The following WDR72 variants were observed in gnomAD, a reference collection of about 807,000 sequenced individuals.
WDR72 encodes WD repeat-containing protein 72.
Under a neutral mutation model 124.2 loss-of-function variants are expected in WDR72, and 120 were observed. The ratio of observed to expected loss-of-function variants is 0.97; its 90% CI spans 0.83 to 1.12. The LOEUF is 1.12. WDR72 is among the 50% of genes most tolerant of loss of function. The pLI, the probability that WDR72 is intolerant of heterozygous loss-of-function variation, is 0.00. For synonymous variants in WDR72, 452 were observed against 441.7 expected, an observed-to-expected ratio of 1.02 and a Z score of -0.29; for missense variants, 1,387 against 1,278.8, an observed-to-expected ratio of 1.08 and a Z score of -1.29.
intron 6 of WDR72, 24 bp downstream of exon 6, chr15:53,714,410 A>G (rs1344201346): frequency 1.9e-6 from 3 of 1,595,742 alleles, no homozygotes; most frequent in Non-Finnish European, 2.6e-6. Context: ...TGTAAGGAAA[A>G]AAGAGTAGGG....
At chr15:53,547,162 C>G (rs189671069) in intron 18 of WDR72, among the ~76,000 whole-genome samples, 2 of 152,358 alleles carry the variant, frequency 1.3e-5, no homozygotes, top group African/African-American at 4.8e-5. Flanking sequence ...TTACCAACAA[C>G]TATTTAACAT....
chr15:53,529,164 A>ATATATATATATATATAT (rs59003623), intron 18 of WDR72, among the ~76,000 whole-genome samples: 1 of 78,166 alleles, frequency 1.3e-5, no homozygotes, highest in South Asian at 3.8e-4. Flanking sequence ...ATATATATAT[A>ATATATATATATATATAT]TTTTTTTTTT....
At chr15:53,667,952 A>ATAC (rs1316804754) in intron 13 of WDR72, among the ~76,000 whole-genome samples, 1 of 152,190 alleles carries the variant, frequency 6.6e-6, no homozygotes, top group Non-Finnish European at 1.5e-5. Flanking sequence ...ATACACAGAT[A>ATAC]ATTAATCTGT....
In WDR72 at chr15:53,704,668, G is replaced by T. The variant is rs533393353; in HGVS notation, c.1348+320C>A. Among the ~76,000 whole-genome samples, 21 of 149,018 alleles carry T rather than the reference G, an allele frequency of 1.4e-4. No homozygotes were observed. In the South Asian group the frequency reaches 1.9e-3, roughly 14 times the overall value. ...AGCCTCCCAAGTAGCTGGGACTACA[G>T]GTGCCCGCCACCATGCCCAGCTTTT... On this transcript the variant is annotated intron_variant, in intron 11 of 19. Transcript: ENST00000360509.
intron 14 of WDR72, among the ~76,000 whole-genome samples, chr15:53,651,734 C>T (rs1008170384): frequency 2.0e-5 from 3 of 152,166 alleles, no homozygotes; most frequent in South Asian, 2.1e-4. Flanking sequence ...CTCACTGCAA[C>T]GCCTGCCTCC....
intron 18 of WDR72, among the ~76,000 whole-genome samples, chr15:53,536,478 G>A (rs572513682): frequency 1.5e-4 from 23 of 152,082 alleles, no homozygotes; most frequent in African/African-American, 5.3e-4. Context: ...ATGATCATGG[G>A]GCTCATCGGT....
rs145687433 is a variant in WDR72 at position 53,750,075 on chromosome 15, A to C, written c.-13+9558T>G. The stretch of plus-strand genomic sequence containing the variant: ...ATAATTAATGAAGGTGGCTATACTA[A>C]ACAACAGATTTTCAATGTAGATGAA... On this transcript the variant is annotated intron_variant, in intron 1 of 19. Coordinates refer to ENST00000360509, the MANE Select transcript of WDR72 (RefSeq NM_182758.4). Among the ~76,000 whole-genome samples, 734 of 152,290 alleles carry C rather than the reference A, an allele frequency of 4.8e-3. 9 individuals are homozygous for C. Among genetic ancestry groups the C allele is most frequent in the African/African-American group, 0.017 (704 of 41,562 alleles).
intron 13 of WDR72, among the ~76,000 whole-genome samples, chr15:53,688,802 T>A (rs2016736913): frequency 6.6e-6 from 1 of 151,936 alleles, no homozygotes; most frequent in Non-Finnish European, 1.5e-5. Flanking sequence ...TCACACTACC[T>A]GACTTCAAAC....
chr15:53,632,320 T>C (rs1203983699), intron 14 of WDR72, among the ~76,000 whole-genome samples: 1 of 152,050 alleles, frequency 6.6e-6, no homozygotes, highest in Non-Finnish European at 1.5e-5. Flanking sequence ...AGTTTCCATG[T>C]GGTAATAAGC....
intron 18 of WDR72, among the ~76,000 whole-genome samples, chr15:53,546,773 T>A (rs902898603): frequency 6.6e-6 from 1 of 151,468 alleles, no homozygotes; most frequent in Non-Finnish European, 1.5e-5. Flanking sequence ...AAGGGAAAAT[T>A]CACAAATACA....
intron 7 of WDR72, among the ~76,000 whole-genome samples, chr15:53,712,264 G>A (rs1371430641): frequency 6.6e-6 from 1 of 152,072 alleles, no homozygotes; most frequent in African/African-American, 2.4e-5. Context: ...TATTAAATAT[G>A]TAGTAGTATA....
chr15:53,655,460 A>T (rs2015388897), intron 14 of WDR72, among the ~76,000 whole-genome samples: 1 of 151,934 alleles, frequency 6.6e-6, no homozygotes, highest in Admixed American at 6.6e-5. Context: ...TTGAGCCTCA[A>T]GATAATCACA....
intron 14 of WDR72, among the ~76,000 whole-genome samples, chr15:53,629,529 A>G (rs963717985): frequency 1.3e-5 from 2 of 152,074 alleles, no homozygotes; most frequent in Non-Finnish European, 2.9e-5. Context: ...GTTTTTAGAA[A>G]TATTAGGAAA....
At chr15:53,715,406 C>T in intron 4 of WDR72, 39 bp from the exon 5 acceptor site, 1 of 1,609,204 alleles carries the variant, frequency 6.2e-7, no homozygotes, top group Non-Finnish European at 8.5e-7. Flanking sequence ...TTAATTATCA[C>T]TAAAATTAAC....
intron 18 of WDR72, among the ~76,000 whole-genome samples, chr15:53,596,418 T>C (rs918721208): frequency 1.3e-5 from 2 of 152,104 alleles, no homozygotes; most frequent in African/African-American, 4.8e-5. Context: ...ACATTATCAT[T>C]AGGAAGTGAC....
intron 9 of WDR72, among the ~76,000 whole-genome samples, chr15:53,709,715 G>A (rs1029438823): frequency 3.9e-5 from 6 of 152,214 alleles, no homozygotes; most frequent in Non-Finnish European, 8.8e-5. Context: ...AGTGGTTGAT[G>A]CATGCCGTAA....
In WDR72 at chr15:53,758,588, A is replaced by G. The variant is rs76583695; in HGVS notation, c.-13+1045T>C. Among the ~76,000 whole-genome samples, 1,470 of 152,182 alleles carry G rather than the reference A, an allele frequency of 9.7e-3. 20 individuals are homozygous for G. The highest frequency in any genetic ancestry group is 0.033 in the African/African-American group (1,384 of 41,508). Reference sequence around the variant, plus strand: ...ACTTAACCACAAGTACTTGCATGACAGAAGTGGCCGCTTTCCTTTTCACTG... The same window carrying G: ...ACTTAACCACAAGTACTTGCATGACGGAAGTGGCCGCTTTCCTTTTCACTG... On this transcript the variant is annotated intron_variant, in intron 1 of 19. Coordinates refer to ENST00000360509, the MANE Select transcript of WDR72 (RefSeq NM_182758.4).
In WDR72 at chr15:53,514,744, T is replaced by C. The variant is rs879270279; in HGVS notation, c.*2955A>G. 1.3e-5 allele frequency: 2 copies of C among 151,978 alleles called. No homozygotes were observed. The highest frequency in any genetic ancestry group is 4.8e-5 in the African/African-American group (2 of 41,392). 9.4% of individuals were successfully genotyped at this position (151,978 alleles called of 1,614,324 possible). ...TACATTTTTCCTTATATTTGAAGTG[T>C]TTAATAGTGCTCACATTGCTTTCTA... is the stretch of plus-strand genomic sequence containing the variant. On this transcript the variant is annotated 3_prime_UTR_variant, in exon 20 of 20. Transcript: ENST00000360509.
intron 18 of WDR72, among the ~76,000 whole-genome samples, chr15:53,558,983 C>T (rs191685062): frequency 6.6e-6 from 1 of 152,096 alleles, no homozygotes; most frequent in Admixed American, 6.6e-5. Context: ...TTATTAAAAT[C>T]CACATTCTTG....
Sources: allele counts gnomAD v4.1 joint callset (sites outside exome capture counted in the v4.1 genomes callset), GRCh38; gene constraint gnomAD v4.1.1; transcripts MANE v1.5; gene names NCBI Gene and HGNC (gene_info 2026-07-23, HGNC 2026-07-21).